The following MMP16 variants were observed in gnomAD, a reference collection of about 807,000 sequenced individuals.
The protein encoded by MMP16 is matrix metalloproteinase-16.
Under a neutral mutation model 67.8 loss-of-function variants are expected in MMP16, and 12 were observed. The observed-to-expected ratio is 0.18, with a 90% CI of 0.11 to 0.29. MMP16 has a LOEUF of 0.29. Ranked by LOEUF, MMP16 falls within the 10% of genes least tolerant of loss-of-function variation. The probability of loss-of-function intolerance (pLI) is 1.00; values close to 1 mark genes in which losing one functional copy is unlikely to be tolerated. For synonymous variants in MMP16, 249 were observed against 255.9 expected (o/e 0.97, Z 0.26); for missense variants, 475 against 765.7 (o/e 0.62, Z 4.48).
chr8:88,186,987 CT>C (rs1809085853), intron 2 of MMP16, among the ~76,000 whole-genome samples: 1 of 152,112 alleles, frequency 6.6e-6, no homozygotes, highest in South Asian at 2.1e-4. Flanking sequence ...GTTATTCCAC[CT>C]TTAACATTCA....
chr8:88,092,957 A>T (rs1360451817), intron 6 of MMP16, among the ~76,000 whole-genome samples: 1 of 151,876 alleles, frequency 6.6e-6, no homozygotes, highest in African/African-American at 2.4e-5. Flanking sequence ...ATGCATGCAA[A>T]TCTGTGGAAG....
At chr8:88,158,580 G>A (rs1043322178) in intron 4 of MMP16, among the ~76,000 whole-genome samples, 2 of 152,082 alleles carry the variant, frequency 1.3e-5, no homozygotes, top group African/African-American at 2.4e-5. Flanking sequence ...TTGTCAGATG[G>A]GTAGATTGCA....
At chr8:88,310,552 C>T (rs1811278788) in intron 1 of MMP16, among the ~76,000 whole-genome samples, 1 of 152,012 alleles carries the variant, frequency 6.6e-6, no homozygotes, top group South Asian at 2.1e-4. Context: ...ATGATGTAAT[C>T]CACTCATTTT....
chr8:88,303,407 T>C (rs988339165), intron 1 of MMP16, among the ~76,000 whole-genome samples: 1 of 152,202 alleles, frequency 6.6e-6, no homozygotes, highest in Non-Finnish European at 1.5e-5. Flanking sequence ...GAGTCTAGCC[T>C]GTCCAGAAGA....
At chr8:88,097,948 T>C (rs1178889473) in intron 6 of MMP16, among the ~76,000 whole-genome samples, 1 of 151,874 alleles carries the variant, frequency 6.6e-6, no homozygotes, top group Non-Finnish European at 1.5e-5. Flanking sequence ...TGCCAGGTCC[T>C]GCCCAAGACT....
chr8:88,176,061 CT>C (rs1243912188), intron 3 of MMP16, among the ~76,000 whole-genome samples: 2 of 152,208 alleles, frequency 1.3e-5, no homozygotes, highest in East Asian at 3.9e-4. Flanking sequence ...TGAAAATGGA[CT>C]AACACAGGTA....
At chr8:88,200,326 G>GA (rs1809322976) in intron 1 of MMP16, among the ~76,000 whole-genome samples, 2 of 151,930 alleles carry the variant, frequency 1.3e-5, no homozygotes, top group South Asian at 4.1e-4. Flanking sequence ...TGAGAACACT[G>GA]AAAAAATATC....
chr8:88,130,363 G>C (rs779485159), intron 4 of MMP16, among the ~76,000 whole-genome samples: 1 of 151,646 alleles, frequency 6.6e-6, no homozygotes, highest in Non-Finnish European at 1.5e-5. Flanking sequence ...TCAGCATCTT[G>C]CAAAAGGATA....
intron 9 of MMP16, among the ~76,000 whole-genome samples, chr8:88,043,229 C>A (rs1808154782): frequency 6.6e-6 from 1 of 152,142 alleles, no homozygotes; most frequent in Non-Finnish European, 1.5e-5. Context: ...AAACCTTGAT[C>A]TAGATCTAGA....
intron 1 of MMP16, among the ~76,000 whole-genome samples, chr8:88,287,251 C>A (rs1810846912): frequency 6.6e-6 from 1 of 152,194 alleles, no homozygotes; most frequent in Admixed American, 6.5e-5. Flanking sequence ...GCCACCCTGA[C>A]CTTTTTCCAG....
At chr8:88,077,669 C>T (rs923272515) in intron 6 of MMP16, among the ~76,000 whole-genome samples, 4 of 152,020 alleles carry the variant, frequency 2.6e-5, no homozygotes, top group African/African-American at 9.7e-5. Flanking sequence ...TTAAAGAAAA[C>T]AAAATGTGAA....
intron 1 of MMP16, among the ~76,000 whole-genome samples, chr8:88,202,742 A>G (rs765037784): frequency 2.6e-5 from 4 of 152,166 alleles, no homozygotes; most frequent in Admixed American, 6.5e-5. Flanking sequence ...CACAACCCCT[A>G]TATTTCTGAA....
intron 1 of MMP16, among the ~76,000 whole-genome samples, chr8:88,293,812 T>A (rs1299171594): frequency 1.3e-5 from 2 of 152,152 alleles, no homozygotes; most frequent in African/African-American, 4.8e-5. Context: ...CAGTGTCCCA[T>A]CTCAATCTCT....
Position 88,277,254 on chromosome 8 carries a change from T to C in MMP16, c.132+49821A>G, listed in dbSNP as rs28904570. ...AGGGAAAAACTCGGTAGCCCAATTC[T>C]AATTACTTTAGATGCATCTCGCTTA... On this transcript the variant is annotated intron_variant, in intron 1 of 9. Transcript: ENST00000286614. Among the ~76,000 whole-genome samples the C allele has an allele frequency of 5.6e-3, 848 of 152,308 alleles. 4 individuals are homozygous for C. The highest frequency in any genetic ancestry group is 0.02 in the African/African-American group (816 of 41,574).
At chr8:88,323,762 A>G (rs1002303311) in intron 1 of MMP16, among the ~76,000 whole-genome samples, 4 of 152,070 alleles carry the variant, frequency 2.6e-5, no homozygotes, top group Non-Finnish European at 4.4e-5. Context: ...CTCAAATTTC[A>G]TAACAAAAAT....
At chr8:88,091,776 G>A (rs1808942121) in intron 6 of MMP16, among the ~76,000 whole-genome samples, 1 of 151,808 alleles carries the variant, frequency 6.6e-6, no homozygotes, top group African/African-American at 2.4e-5. Context: ...CTAGCCATGT[G>A]TAGCTACTTA....
chr8:88,149,572 A>G (rs1808363675), intron 4 of MMP16, among the ~76,000 whole-genome samples: 1 of 152,028 alleles, frequency 6.6e-6, no homozygotes, highest in Admixed American at 6.6e-5. Context: ...CGAGCAGCCT[A>G]ACTGGGAGGC....
intron 7 of MMP16, among the ~76,000 whole-genome samples, chr8:88,063,350 T>G (rs1808425010): frequency 6.6e-6 from 1 of 151,986 alleles, no homozygotes; most frequent in African/African-American, 2.4e-5. Context: ...GAAACACTGA[T>G]GAAGGCAACA....
intron 8 of MMP16, 142 bp from the exon 9 acceptor site, chr8:88,046,926 C>G (rs1808206433): frequency 4.2e-6 from 2 of 478,118 alleles, no homozygotes; most frequent in Non-Finnish European, 7.3e-6. Flanking sequence ...TAATGATTTA[C>G]AGAACTCCAA....
Sources: gnomAD v4.1 joint callset for allele counts (sites outside exome capture counted in the v4.1 genomes callset) on GRCh38, gnomAD v4.1.1 for gene constraint, MANE v1.5 for transcripts, NCBI Gene and HGNC (gene_info 2026-07-23, HGNC 2026-07-21) for gene names.